Variants in CRY1 observed in about 807,000 individuals in gnomAD.
The protein encoded by CRY1 is cryptochrome circadian regulator 1.
Under a neutral mutation model 76.0 loss-of-function variants are expected in CRY1, and 45 were observed. The observed-to-expected ratio is 0.59, with a 90% confidence interval of 0.47 to 0.76. CRY1 has a LOEUF of 0.76. Among genes scored for constraint, CRY1 ranks in the 30% least tolerant of loss-of-function variants. The pLI is 0.00. For synonymous variants in CRY1, 248 were observed against 244.0 expected (o/e 1.02, Z -0.15); for missense variants, 587 against 716.4 (o/e 0.82, Z 2.06).
At chr12:107,047,024 T>C (rs1271852081) in intron 1 of CRY1, among the ~76,000 whole-genome samples, 6 of 152,200 alleles carry the variant, frequency 3.9e-5, no homozygotes. Context: ...CAAGACCAAA[T>C]GGACCCAACA....
intron 1 of CRY1, among the ~76,000 whole-genome samples, chr12:107,081,265 T>C (rs1054893334): frequency 2.0e-5 from 3 of 152,118 alleles, no homozygotes; most frequent in East Asian, 1.9e-4. Flanking sequence ...TTTTAAGTTA[T>C]GAGTTTAAGA....
chr12:107,078,809 T>G (rs11615681), intron 1 of CRY1, among the ~76,000 whole-genome samples: 18,828 of 152,112 alleles, frequency 0.12, 1,964 homozygotes, highest in African/African-American at 0.27. Context: ...AGTATGAGGA[T>G]CTTACACTCT....
At chr12:107,061,642 A>G (rs371471837) in intron 1 of CRY1, among the ~76,000 whole-genome samples, 5 of 152,128 alleles carry the variant, frequency 3.3e-5, no homozygotes, top group African/African-American at 1.2e-4. Context: ...TCAGCCTCCC[A>G]AAGTGCTAGG....
chr12:107,028,287 T>C (rs1278052548), intron 1 of CRY1, among the ~76,000 whole-genome samples: 1 of 152,168 alleles, frequency 6.6e-6, no homozygotes, highest in Non-Finnish European at 1.5e-5. Context: ...ATGCTCTTTT[T>C]TCTGGTTTGT....
chr12:107,053,424 C>T (rs1401878436), intron 1 of CRY1, among the ~76,000 whole-genome samples: 1 of 152,096 alleles, frequency 6.6e-6, no homozygotes, highest in African/African-American at 2.4e-5. Context: ...TCAAGCAATT[C>T]TCCTGCCTCA....
intron 1 of CRY1, among the ~76,000 whole-genome samples, chr12:107,057,171 A>AT (rs1294572226): frequency 2.6e-5 from 4 of 152,224 alleles, no homozygotes; most frequent in African/African-American, 9.6e-5. Flanking sequence ...CATAAGCACC[A>AT]TAATATACTG....
chr12:107,004,684 T>C (rs1340982306), intron 3 of CRY1, among the ~76,000 whole-genome samples: 4 of 152,052 alleles, frequency 2.6e-5, no homozygotes, highest in Admixed American at 1.3e-4. Context: ...ACAGACATAA[T>C]AGATATACAT....
intron 1 of CRY1, among the ~76,000 whole-genome samples, chr12:107,055,816 C>A (rs993832819): frequency 6.6e-6 from 1 of 151,252 alleles, no homozygotes; most frequent in Non-Finnish European, 1.5e-5. Context: ...CAGAGCAAGA[C>A]CCTGTCTCAA....
chr12:107,009,110 C>T (rs931568533), intron 2 of CRY1, among the ~76,000 whole-genome samples: 6 of 152,118 alleles, frequency 3.9e-5, no homozygotes, highest in Admixed American at 6.6e-5. Context: ...ATGTCAGATG[C>T]GTTCTCTTCA....
At chr12:107,048,130 G>A (rs759734745) in intron 1 of CRY1, among the ~76,000 whole-genome samples, 4 of 151,824 alleles carry the variant, frequency 2.6e-5, no homozygotes, top group African/African-American at 9.7e-5. Flanking sequence ...GCCCAGGCTG[G>A]AGTGCAATGG....
intron 2 of CRY1, among the ~76,000 whole-genome samples, chr12:107,009,491 G>A (rs10861691): frequency 0.7 from 103,422 of 148,192 alleles, 36,816 homozygotes; most frequent in East Asian, 0.97. Flanking sequence ...GTGAGCCAAG[G>A]TTGTACCACT....
chr12:107,081,868 C>T (rs1002470234), intron 1 of CRY1, among the ~76,000 whole-genome samples: 4 of 151,972 alleles, frequency 2.6e-5, no homozygotes, highest in Non-Finnish European at 5.9e-5. Context: ...ACATATTTGT[C>T]CCCTTCAAAT....
chr12:107,014,858 A>C (rs781439756), intron 2 of CRY1, among the ~76,000 whole-genome samples: 13 of 151,676 alleles, frequency 8.6e-5, no homozygotes, highest in South Asian at 2.1e-4. Flanking sequence ...GGGTGTATCT[A>C]TATATATATA....
intron 10 of CRY1, among the ~76,000 whole-genome samples, chr12:106,994,565 A>G (rs1952213057): frequency 6.6e-6 from 1 of 152,262 alleles, no homozygotes; most frequent in African/African-American, 2.4e-5. Context: ...TTACATGATT[A>G]AAATAATTTC....
At position 107,005,091 on chromosome 12, in the gene CRY1, A is replaced by G. The variant is rs1206655437; in HGVS notation, c.410+15T>C. On this transcript the variant is annotated intron_variant, in intron 3 of 12. Transcript: ENST00000008527. ...ATACGCATTTTCCCACAGTAAAAAA[A>G]AAAAAAGGACTCACTTGTCTAGGTC... 2 of 1,587,990 alleles carry G rather than the reference A, an allele frequency of 1.3e-6. No homozygotes were observed. Among genetic ancestry groups the G allele is most frequent in the African/African-American group, 1.4e-5 (1 of 73,168 alleles).
At chr12:106,996,543 C>T (rs1450569927) in intron 10 of CRY1, among the ~76,000 whole-genome samples, 5 of 152,186 alleles carry the variant, frequency 3.3e-5, no homozygotes, top group South Asian at 2.1e-4. Context: ...TGAGGAATCA[C>T]CACACTCTCT....
chr12:107,079,210 C>T (rs894975559), intron 1 of CRY1, among the ~76,000 whole-genome samples: 11 of 152,260 alleles, frequency 7.2e-5, no homozygotes, highest in Admixed American at 6.5e-4. Context: ...CTAAGACAAT[C>T]ATAAACTCAT....
chr12:107,021,907 A>G (rs1286179069), intron 2 of CRY1, among the ~76,000 whole-genome samples, 177 bp downstream of exon 2: 1 of 152,112 alleles, frequency 6.6e-6, no homozygotes, highest in Non-Finnish European at 1.5e-5. Context: ...CTATTTTCTC[A>G]CTGTCTGATT....
At chr12:107,088,808 A>T (rs920423197) in intron 1 of CRY1, among the ~76,000 whole-genome samples, 1 of 152,214 alleles carries the variant, frequency 6.6e-6, no homozygotes, top group Admixed American at 6.5e-5. Context: ...ATCATCCCAG[A>T]CAAGCACAGA....
Sources: gnomAD v4.1 joint callset for allele counts (sites outside exome capture counted in the v4.1 genomes callset) on GRCh38, gnomAD v4.1.1 for gene constraint, MANE v1.5 for transcripts, NCBI Gene and HGNC (gene_info 2026-07-23, HGNC 2026-07-21) for gene names.